The following PGM1 variants were observed in gnomAD, a reference collection of about 807,000 sequenced individuals.
PGM1 encodes phosphoglucomutase 1, also known as phosphoglucomutase-1.
In PGM1, 52 loss-of-function variants were observed where a neutral mutation model predicts 55.6. That is an observed-to-expected ratio of 0.94 (90% CI 0.75 to 1.18). The LOEUF (loss-of-function observed/expected upper bound fraction) is 1.18. Among genes scored for constraint, PGM1 ranks in the 50% most tolerant of loss-of-function variants. The pLI is 0.00. For missense variants in PGM1, 724 were observed against 729.3 expected (o/e 0.99, Z 0.08); for synonymous variants, 287 against 271.7 (o/e 1.06, Z -0.55).
intron 1 of PGM1, among the ~76,000 whole-genome samples, chr1:63,627,053 A>AACCCCC (rs1649037434): frequency 1.1e-5 from 1 of 93,176 alleles, no homozygotes; most frequent in Non-Finnish European, 2.2e-5. Context: ...ATATGGCAGG[A>AACCCCC]CCCCCCCCCC....
chr1:63,621,581 T>G (rs1483606136), intron 1 of PGM1, among the ~76,000 whole-genome samples: 1 of 152,142 alleles, frequency 6.6e-6, no homozygotes, highest in African/African-American at 2.4e-5. Context: ...ATTTAAAAAA[T>G]CATTTATAGT....
intron 1 of PGM1, among the ~76,000 whole-genome samples, chr1:63,614,453 ACT>A (rs1648654178): frequency 6.6e-6 from 1 of 152,160 alleles, no homozygotes; most frequent in Admixed American, 6.5e-5. Context: ...CCCATGAGCC[ACT>A]GCCCATCTAA....
intron 1 of PGM1, among the ~76,000 whole-genome samples, chr1:63,624,344 C>T (rs537477714): frequency 2.0e-5 from 3 of 152,208 alleles, no homozygotes; most frequent in African/African-American, 7.2e-5. Context: ...AGAAGCCGTG[C>T]GCATGGTGAA....
At chr1:63,633,914 G>A (rs1341262012) in intron 4 of PGM1, among the ~76,000 whole-genome samples, 810 of 34,338 alleles carry the variant, frequency 0.024, 20 homozygotes, top group African/African-American at 0.037. Flanking sequence ...GTGTGTGTGT[G>A]TGTGTATATA....
At chr1:63,601,446 C>T (rs1648240809) in intron 1 of PGM1, among the ~76,000 whole-genome samples, 1 of 152,184 alleles carries the variant, frequency 6.6e-6, no homozygotes, top group African/African-American at 2.4e-5. Context: ...AGCTACACTT[C>T]TAAGAAAGTG....
At chr1:63,627,809 T>G (rs116544254) in intron 1 of PGM1, among the ~76,000 whole-genome samples, 1 of 152,070 alleles carries the variant, frequency 6.6e-6, no homozygotes, top group African/African-American at 2.4e-5. Context: ...CCTAAACCCC[T>G]CCTATGGACA....
chr1:63,608,289 A>G (rs554036937), intron 1 of PGM1, among the ~76,000 whole-genome samples: 1 of 152,342 alleles, frequency 6.6e-6, no homozygotes, highest in East Asian at 1.9e-4. Context: ...CTGGGGATAC[A>G]GTTCTCTTCC....
At position 63,624,406 on chromosome 1, in the gene PGM1, G is replaced by A. The variant is rs1648968550; in HGVS notation, c.247-5019G>A. On this transcript the variant is annotated intron_variant, in intron 1 of 10. Transcript: ENST00000371084. ...CTCCTGTAAGACTATAGTATGAGGC[G>A]GCTCTGCTAAACCTCTGCATCGTGA... Among the ~76,000 whole-genome samples the A allele has an allele frequency of 2.0e-5, 3 of 152,134 alleles. No individual in the cohort carries two copies. The South Asian group carries it at 6.2e-4, about 32-fold the overall frequency.
intron 10 of PGM1, among the ~76,000 whole-genome samples, chr1:63,659,135 C>G (rs1010131120): frequency 1.2e-4 from 19 of 152,272 alleles, no homozygotes; most frequent in African/African-American, 4.6e-4. Context: ...AGAGCCAAAC[C>G]ACATCAGTCC....
intron 7 of PGM1, among the ~76,000 whole-genome samples, chr1:63,639,460 A>G (rs1002126466): frequency 3.3e-5 from 5 of 151,748 alleles, no homozygotes; most frequent in Non-Finnish European, 7.4e-5. Context: ...CTGCTTGTCC[A>G]AATATTGACC....
At chr1:63,659,238 C>T (rs1292742647) in intron 10 of PGM1, among the ~76,000 whole-genome samples, 3 of 152,130 alleles carry the variant, frequency 2.0e-5, no homozygotes, top group African/African-American at 7.2e-5. Flanking sequence ...ATTGACTTAG[C>T]AAGACTTAAC....
intron 1 of PGM1, among the ~76,000 whole-genome samples, chr1:63,595,003 G>A (rs1412710244): frequency 6.6e-6 from 1 of 151,234 alleles, no homozygotes; most frequent in Non-Finnish European, 1.5e-5. Context: ...GATAAGTTGG[G>A]GCTAATTATT....
At chr1:63,611,899 T>A (rs1301549961) in intron 1 of PGM1, among the ~76,000 whole-genome samples, 1 of 151,688 alleles carries the variant, frequency 6.6e-6, no homozygotes, top group Non-Finnish European at 1.5e-5. Context: ...CGAGACTCCT[T>A]CTCAGAAAAT....
rs772715257 is a variant in PGM1 at position 63,648,571 on chromosome 1, C to G, written c.1199C>G (p.Ser400Cys). ...CTGTGGGCTGTCCTTGCCTGGCTCT[C>G]CATCCTAGCCACCCGCAAGCAGAGT... ...DGLWAVLAWL[S>C]ILATRKQSVE... Residue 400 changes from serine to cysteine, a missense_variant, in exon 8 of 11, where the codon TCC becomes TGC. Coordinates refer to ENST00000371084, the MANE Select transcript of PGM1 (RefSeq NM_002633.3). 3.1e-6 allele frequency: 5 copies of G among 1,613,978 alleles called. No homozygotes were observed. In the South Asian group the frequency reaches 5.5e-5, roughly 18 times the overall value.
chr1:63,596,171 C>T (rs932249621), intron 1 of PGM1, among the ~76,000 whole-genome samples: 4 of 152,018 alleles, frequency 2.6e-5, no homozygotes, highest in Admixed American at 2.0e-4. Context: ...ATTCTACTCA[C>T]ACTTTTTGGA....
At chr1:63,618,553 A>G (rs1211645969) in intron 1 of PGM1, among the ~76,000 whole-genome samples, 3 of 152,144 alleles carry the variant, frequency 2.0e-5, no homozygotes, top group African/African-American at 4.8e-5. Flanking sequence ...AAAAATATTA[A>G]TACTATGTTC....
At chr1:63,654,175 G>C (rs556163217) in intron 9 of PGM1, among the ~76,000 whole-genome samples, 157 bp from the exon 10 acceptor site, 2 of 152,168 alleles carry the variant, frequency 1.3e-5, no homozygotes, top group African/African-American at 2.4e-5. Flanking sequence ...GTGACGGAAG[G>C]CAGGCTCACA....
intron 1 of PGM1, among the ~76,000 whole-genome samples, chr1:63,608,311 C>T (rs1421150943): frequency 6.6e-6 from 1 of 152,170 alleles, no homozygotes; most frequent in Non-Finnish European, 1.5e-5. Context: ...TTCTGGTAAA[C>T]GTTTAAACCT....
At chr1:63,640,059 A>G (rs1001371675) in intron 7 of PGM1, among the ~76,000 whole-genome samples, 9 of 152,196 alleles carry the variant, frequency 5.9e-5, no homozygotes, top group African/African-American at 2.2e-4. Flanking sequence ...TTTCTACTTC[A>G]TATAATGGGC....
Sources: gnomAD v4.1 joint callset for allele counts (sites outside exome capture counted in the v4.1 genomes callset) on GRCh38, gnomAD v4.1.1 for gene constraint, MANE v1.5 for transcripts, NCBI Gene and HGNC (gene_info 2026-07-23, HGNC 2026-07-21) for gene names.